C1QTNF7: variants seen among roughly 807,000 people sequenced by gnomAD.
C1QTNF7 encodes complement C1q tumor necrosis factor-related protein 7.
In C1QTNF7, 15 loss-of-function variants were observed where a neutral mutation model predicts 19.6. The ratio of observed to expected loss-of-function variants is 0.76; its 90% confidence interval spans 0.51 to 1.18. C1QTNF7 has a LOEUF of 1.18. C1QTNF7 is among the 50% of genes most tolerant of loss of function. The pLI is 0.00. For synonymous variants in C1QTNF7, 142 were observed against 137.5 expected (o/e 1.03, Z -0.23); for missense variants, 324 against 359.7 (o/e 0.90, Z 0.80).
chr4:15,372,767 C>T (rs1404514999), intron 1 of C1QTNF7, among the ~76,000 whole-genome samples: 1 of 152,090 alleles, frequency 6.6e-6, no homozygotes, highest in Admixed American at 6.5e-5. Context: ...TTCTGTGTGA[C>T]TGAACAAAAT....
intron 1 of C1QTNF7, among the ~76,000 whole-genome samples, chr4:15,375,879 G>A (rs80003149): frequency 6.6e-6 from 1 of 151,996 alleles, no homozygotes; most frequent in Non-Finnish European, 1.5e-5. Flanking sequence ...AGTAATTTTG[G>A]TGTGTACTTC....
intron 1 of C1QTNF7, among the ~76,000 whole-genome samples, chr4:15,432,713 A>G (rs1712371775): frequency 6.6e-6 from 1 of 152,204 alleles, no homozygotes; most frequent in Admixed American, 6.5e-5. Context: ...AATTCTGATA[A>G]GGATTTTTAC....
intron 1 of C1QTNF7, among the ~76,000 whole-genome samples, chr4:15,430,884 T>C (rs1712275422): frequency 6.6e-6 from 1 of 152,194 alleles, no homozygotes; most frequent in Non-Finnish European, 1.5e-5. Flanking sequence ...CAAGGATTCT[T>C]TTCAGGACCT....
At chr4:15,416,151 A>G (rs996132042) in intron 1 of C1QTNF7, among the ~76,000 whole-genome samples, 1 of 152,190 alleles carries the variant, frequency 6.6e-6, no homozygotes. Context: ...ATCACTTTAT[A>G]TTTGCAAGAA....
intron 1 of C1QTNF7, among the ~76,000 whole-genome samples, chr4:15,411,132 A>G (rs1719388653): frequency 6.6e-6 from 1 of 152,236 alleles, no homozygotes; most frequent in Admixed American, 6.5e-5. Context: ...AACTTATTAT[A>G]TTAATAACCA....
chr4:15,425,939 C>T (rs970524672), upstream of C1QTNF7, among the ~76,000 whole-genome samples: 40 of 152,122 alleles, frequency 2.6e-4, no homozygotes, highest in Admixed American at 9.2e-4. Flanking sequence ...CTATAACTTT[C>T]CAACTCTGCA....
In C1QTNF7 at chr4:15,403,513, C is replaced by T. The variant is rs559789414; in HGVS notation, c.14-32223C>T. Among the ~76,000 whole-genome samples, 13 of 152,262 alleles carry T rather than the reference C, an allele frequency of 8.5e-5. No individual in the cohort carries two copies. In the South Asian group the frequency reaches 1.7e-3, roughly 19 times the overall value. On this transcript the variant is annotated intron_variant, in intron 1 of 2. Transcript: ENST00000295297. ...AGGCAATCCTTGGGGTTTCTGGGAT[C>T]GTAGGCACAACATTCCCATGTCTGC... is the stretch of plus-strand genomic sequence containing the variant.
chr4:15,399,763 G>A (rs1237616372), intron 1 of C1QTNF7, among the ~76,000 whole-genome samples: 1 of 152,130 alleles, frequency 6.6e-6, no homozygotes, highest in Non-Finnish European at 1.5e-5. Flanking sequence ...GGGTATATAG[G>A]TATTAAGTAA....
At chr4:15,424,836 G>T (rs1388055343), upstream of C1QTNF7, among the ~76,000 whole-genome samples, 1 of 152,184 alleles carries the variant, frequency 6.6e-6, no homozygotes, top group African/African-American at 2.4e-5. Flanking sequence ...AGCATTGGTT[G>T]CCTATCATTC....
chr4:15,440,915 C>T (rs1001143663), intron 2 of C1QTNF7, among the ~76,000 whole-genome samples: 15 of 152,172 alleles, frequency 9.9e-5, no homozygotes, highest in Admixed American at 1.3e-4. Flanking sequence ...CCGAGGCAGG[C>T]GGATCACCTG....
Position 15,434,921 on chromosome 4 carries a change from T to A in C1QTNF7, c.-8-815T>A, listed in dbSNP as rs1236168318. Among the ~76,000 whole-genome samples the A allele has an allele frequency of 2.6e-5, 4 of 152,160 alleles. No homozygotes were observed. The East Asian group carries it at 7.7e-4, about 29-fold the overall frequency. On this transcript the variant is annotated intron_variant, in intron 1 of 2. Coordinates refer to ENST00000444304, the MANE Select transcript of C1QTNF7 (RefSeq NM_031911.5). ...TTAAATTAAAGTTTGAGACCTCCCCTCAGGACATGCACAGTACCCCAATTA... is the reference window on the plus strand; with the variant it reads ...TTAAATTAAAGTTTGAGACCTCCCCACAGGACATGCACAGTACCCCAATTA...
rs115357685 is a variant in C1QTNF7 at position 15,370,746 on chromosome 4, T to G, written c.13+30539T>G. Among the ~76,000 whole-genome samples, 1,253 of 152,362 alleles carry G rather than the reference T, an allele frequency of 8.2e-3. 21 individuals carry two copies. The highest frequency in any genetic ancestry group is 0.028 in the African/African-American group (1,179 of 41,580). On this transcript the variant is annotated intron_variant, in intron 1 of 2. Coordinates refer to the C1QTNF7 transcript ENST00000295297. Reference sequence around the variant, plus strand: ...TTCTTAGCCTAATATTCTAGTTATCTTCATCCAAAAGAATTTGTAATAAAA... The same window carrying G: ...TTCTTAGCCTAATATTCTAGTTATCGTCATCCAAAAGAATTTGTAATAAAA...
chr4:15,373,326 C>T (rs773121085), intron 1 of C1QTNF7, among the ~76,000 whole-genome samples: 10 of 152,200 alleles, frequency 6.6e-5, no homozygotes, highest in South Asian at 6.2e-4. Flanking sequence ...ATCCCATTCA[C>T]GAGAGCCCTG....
At chr4:15,401,190 CAT>C (rs1407749210) in intron 1 of C1QTNF7, among the ~76,000 whole-genome samples, 1 of 152,124 alleles carries the variant, frequency 6.6e-6, no homozygotes, top group East Asian at 1.9e-4. Context: ...ACTGGGAAAA[CAT>C]ATCATTTTTG....
chr4:15,353,051 A>T (rs1030331658), intron 1 of C1QTNF7, among the ~76,000 whole-genome samples: 5 of 152,180 alleles, frequency 3.3e-5, no homozygotes, highest in Admixed American at 1.3e-4. Flanking sequence ...TAGCTGCATA[A>T]TCTGTGTCAA....
intron 1 of C1QTNF7, among the ~76,000 whole-genome samples, chr4:15,415,855 C>T (rs1420440190): frequency 1.3e-5 from 2 of 152,064 alleles, no homozygotes; most frequent in African/African-American, 4.8e-5. Context: ...TTGCCTTTGT[C>T]ATTAAATGTT....
chr4:15,415,515 A>G (rs1392865147), intron 1 of C1QTNF7, among the ~76,000 whole-genome samples: 1 of 152,178 alleles, frequency 6.6e-6, no homozygotes, highest in Non-Finnish European at 1.5e-5. Context: ...TGGAAAATAC[A>G]ATAGAAATAA....
At chr4:15,415,591 A>T (rs1486151035) in intron 1 of C1QTNF7, among the ~76,000 whole-genome samples, 2 of 150,488 alleles carry the variant, frequency 1.3e-5, no homozygotes, top group Non-Finnish European at 3.0e-5. Context: ...ATATTTTGGT[A>T]TTGGGCCTTC....
intron 1 of C1QTNF7, among the ~76,000 whole-genome samples, chr4:15,387,448 G>C (rs1164776993): frequency 6.6e-6 from 1 of 152,172 alleles, no homozygotes; most frequent in Non-Finnish European, 1.5e-5. Flanking sequence ...ATTGAACCTA[G>C]GCTTCCAATA....
Sources: allele counts gnomAD v4.1 joint callset (sites outside exome capture counted in the v4.1 genomes callset), GRCh38; gene constraint gnomAD v4.1.1; transcripts MANE v1.5; gene names NCBI Gene and HGNC (gene_info 2026-07-23, HGNC 2026-07-21).